Variants in MLLT3 observed in about 807,000 individuals in gnomAD.
The protein encoded by MLLT3 is MLLT3 super elongation complex subunit.
In MLLT3, 4 loss-of-function variants were observed where a neutral mutation model predicts 53.2. That is an observed-to-expected ratio of 0.08 (90% CI 0.04 to 0.17). The LOEUF (loss-of-function observed/expected upper bound fraction) is 0.17, where lower values mean the gene tolerates loss of function less well. Among genes scored for constraint, MLLT3 ranks in the 10% least tolerant of loss-of-function variants. The probability of loss-of-function intolerance (pLI) is 1.00; values close to 1 mark genes in which losing one functional copy is unlikely to be tolerated. For synonymous variants in MLLT3, 283 were observed against 230.6 expected (o/e 1.23, Z -2.06); for missense variants, 569 against 684.0 (o/e 0.83, Z 1.87).
chr9:20,528,419 G>A (rs1818253883), intron 2 of MLLT3, among the ~76,000 whole-genome samples: 1 of 152,212 alleles, frequency 6.6e-6, no homozygotes, highest in Non-Finnish European at 1.5e-5. Context: ...TGTGGCTGCT[G>A]TTAACAAACT....
At chr9:20,566,228 C>T (rs935179952) in intron 2 of MLLT3, among the ~76,000 whole-genome samples, 1 of 150,944 alleles carries the variant, frequency 6.6e-6, no homozygotes, top group Non-Finnish European at 1.5e-5. Context: ...CACTTGAGGT[C>T]AGGAGTTTGA....
chr9:20,434,275 A>G (rs1823348143), intron 4 of MLLT3, among the ~76,000 whole-genome samples: 1 of 152,130 alleles, frequency 6.6e-6, no homozygotes, highest in South Asian at 2.1e-4. Flanking sequence ...CCTTGTTTGC[A>G]AGAAATAAAT....
intron 2 of MLLT3, among the ~76,000 whole-genome samples, chr9:20,597,349 C>T (rs1820299855): frequency 6.7e-6 from 1 of 149,952 alleles, no homozygotes; most frequent in Non-Finnish European, 1.5e-5. Context: ...GTGCAAAGGT[C>T]TGAGTAACAC....
chr9:20,399,240 A>G (rs762867359), intron 5 of MLLT3, among the ~76,000 whole-genome samples: 1 of 152,168 alleles, frequency 6.6e-6, no homozygotes, highest in Non-Finnish European at 1.5e-5. Context: ...TCCAGATTAC[A>G]CAGACATATT....
At chr9:20,564,337 A>C (rs1411865653) in intron 2 of MLLT3, among the ~76,000 whole-genome samples, 1 of 152,100 alleles carries the variant, frequency 6.6e-6, no homozygotes, top group Non-Finnish European at 1.5e-5. Context: ...AAATGAGGAG[A>C]CTTAGAAAAG....
intron 2 of MLLT3, among the ~76,000 whole-genome samples, chr9:20,496,225 AC>A (rs1825077139): frequency 6.6e-6 from 1 of 152,194 alleles, no homozygotes; most frequent in African/African-American, 2.4e-5. Context: ...AGAAAAACAC[AC>A]TTTTTTGTTT....
chr9:20,481,869 T>C (rs931714432), intron 2 of MLLT3, among the ~76,000 whole-genome samples: 4 of 152,182 alleles, frequency 2.6e-5, no homozygotes, highest in Non-Finnish European at 5.9e-5. Flanking sequence ...AGGAATACCT[T>C]ACTTAGCATT....
At chr9:20,545,702 T>A (rs1818768703) in intron 2 of MLLT3, among the ~76,000 whole-genome samples, 1 of 152,076 alleles carries the variant, frequency 6.6e-6, no homozygotes, top group Non-Finnish European at 1.5e-5. Context: ...GCAGCAAATC[T>A]ATTTGTTAAA....
At chr9:20,491,947 A>C (rs1273406850) in intron 2 of MLLT3, among the ~76,000 whole-genome samples, 2 of 152,040 alleles carry the variant, frequency 1.3e-5, no homozygotes, top group Non-Finnish European at 2.9e-5. Context: ...TGGAATTCCA[A>C]CCAGTAATGT....
chr9:20,388,313 G>A (rs1822091245), intron 5 of MLLT3, among the ~76,000 whole-genome samples: 1 of 152,214 alleles, frequency 6.6e-6, no homozygotes, highest in African/African-American at 2.4e-5. Context: ...CTCTGGCCGG[G>A]TGCGGTGGCT....
intron 5 of MLLT3, among the ~76,000 whole-genome samples, chr9:20,371,503 C>T (rs774501605): frequency 1.3e-5 from 2 of 152,144 alleles, no homozygotes; most frequent in Non-Finnish European, 2.9e-5. Context: ...ATCCTAGGGC[C>T]CTTAAGAATT....
At chr9:20,451,116 T>G (rs1313983344) in intron 3 of MLLT3, among the ~76,000 whole-genome samples, 1 of 152,148 alleles carries the variant, frequency 6.6e-6, no homozygotes, top group East Asian at 1.9e-4. Context: ...AATACTGACT[T>G]TGAAAGGCAT....
At chr9:20,458,303 G>A (rs1373953703) in intron 2 of MLLT3, among the ~76,000 whole-genome samples, 1 of 152,114 alleles carries the variant, frequency 6.6e-6, no homozygotes, top group Middle Eastern at 3.2e-3. Context: ...AGGACAGGAA[G>A]CACATTCACC....
At chr9:20,558,649 C>T (rs1819123774) in intron 2 of MLLT3, among the ~76,000 whole-genome samples, 1 of 152,170 alleles carries the variant, frequency 6.6e-6, no homozygotes, top group Admixed American at 6.5e-5. Flanking sequence ...GAGAGGCTGA[C>T]TCAGTCTGGG....
intron 4 of MLLT3, among the ~76,000 whole-genome samples, chr9:20,444,575 T>A (rs902861132): frequency 1.3e-5 from 2 of 152,106 alleles, no homozygotes; most frequent in African/African-American, 4.8e-5. Flanking sequence ...TTTCTCTTAC[T>A]TAAAGCCTTA....
At chr9:20,572,472 T>C (rs1376619906) in intron 2 of MLLT3, among the ~76,000 whole-genome samples, 2 of 152,174 alleles carry the variant, frequency 1.3e-5, no homozygotes, top group Non-Finnish European at 2.9e-5. Flanking sequence ...TCCAAAAATA[T>C]ATAGTTTGTT....
chr9:20,411,824 G>A (rs370783999), intron 5 of MLLT3: 1 of 152,122 alleles, frequency 6.6e-6, no homozygotes, highest in African/African-American at 2.4e-5. Context: ...ACCTAAAGAG[G>A]AAGACCATCT....
In MLLT3 at chr9:20,566,010, A is replaced by T. The variant is rs866744501; in HGVS notation, c.193+54644T>A. Among the ~76,000 whole-genome samples, 801 of 126,292 alleles carry T rather than the reference A, an allele frequency of 6.3e-3. 21 individuals carry two copies. Among genetic ancestry groups the T allele is most frequent in the African/African-American group, 0.021 (695 of 33,602 alleles). 82.9% of individuals were successfully genotyped at this position (126,292 alleles called of 152,430 possible). A position where few individuals can be genotyped will look rare whatever the true frequency, so the allele number is the denominator to read the frequency against. On this transcript the variant is annotated intron_variant, in intron 2 of 10. Coordinates refer to ENST00000380338, the MANE Select transcript of MLLT3 (RefSeq NM_004529.4). ...TATTTATATATTTATTTATATATAT[A>T]TTTTTATATATATTTATTTATATTT...
chr9:20,363,625 C>T lies in MLLT3; in HGVS notation c.1202-20G>A. 1 of 1,610,966 alleles carries T rather than the reference C, an allele frequency of 6.2e-7. No homozygotes were observed. Among genetic ancestry groups the T allele is most frequent in the African/African-American group, 1.3e-5 (1 of 75,002 alleles). On this transcript the variant is annotated intron_variant, in intron 6 of 10. Transcript: ENST00000380338. ...AAGGACCTGAGTAATGACAATGAACCACAGGCAATCAAACATATACTCAAA... is the reference window on the plus strand; with the variant it reads ...AAGGACCTGAGTAATGACAATGAACTACAGGCAATCAAACATATACTCAAA...
Sources: allele counts gnomAD v4.1 joint callset (sites outside exome capture counted in the v4.1 genomes callset), GRCh38; gene constraint gnomAD v4.1.1; transcripts MANE v1.5; gene names NCBI Gene and HGNC (gene_info 2026-07-23, HGNC 2026-07-21).